The following BEND5 variants were observed in gnomAD, a reference collection of about 807,000 sequenced individuals.
The protein encoded by BEND5 is BEN domain-containing protein 5.
A neutral mutation model predicts 43.9 loss-of-function variants in BEND5; 22 were observed. The observed-to-expected ratio is 0.50, with a 90% CI of 0.36 to 0.72. The LOEUF (loss-of-function observed/expected upper bound fraction) is 0.72. Among genes scored for constraint, BEND5 ranks in the 30% least tolerant of loss-of-function variants. The pLI, the probability that BEND5 is intolerant of heterozygous loss-of-function variation, is 0.00. For missense variants in BEND5, 428 were observed against 550.6 expected (o/e 0.78, Z 2.23); for synonymous variants, 228 against 225.9 (o/e 1.01, Z -0.08).
At chr1:48,756,241 T>G (rs561730975) in intron 3 of BEND5, among the ~76,000 whole-genome samples, 2 of 152,228 alleles carry the variant, frequency 1.3e-5, no homozygotes, top group African/African-American at 4.8e-5. Flanking sequence ...CAAAAATTCA[T>G]CATTCAGGCT....
intron 3 of BEND5, among the ~76,000 whole-genome samples, chr1:48,746,315 G>C (rs1333686658): frequency 6.6e-6 from 1 of 152,124 alleles, no homozygotes; most frequent in African/African-American, 2.4e-5. Context: ...CTCTACTAAA[G>C]CATAGGTTCT....
intron 1 of BEND5, among the ~76,000 whole-genome samples, chr1:48,774,155 A>T (rs1436912028): frequency 1.3e-5 from 2 of 152,248 alleles, no homozygotes; most frequent in Admixed American, 1.3e-4. Flanking sequence ...AGAGAGATTA[A>T]TTAATCAATT....
Position 48,750,910 on chromosome 1 carries a change from G to T in BEND5, c.745+7990C>A, listed in dbSNP as rs549973684. 2.0e-5 allele frequency among the ~76,000 whole-genome samples: 3 copies of T among 152,276 alleles called. No homozygotes were observed. In the East Asian group the frequency reaches 5.8e-4, roughly 29 times the overall value. On this transcript the variant is annotated intron_variant, in intron 3 of 5. Coordinates refer to ENST00000371833, the MANE Select transcript of BEND5 (RefSeq NM_024603.4). ...CTCTAAGAATTACCCCCCACACTCA[G>T]AGTACCCCCTGGAGCAGCAAGGGAG...
chr1:48,733,417 G>T (rs890211213), intron 5 of BEND5, among the ~76,000 whole-genome samples: 7 of 152,158 alleles, frequency 4.6e-5, no homozygotes, highest in African/African-American at 1.4e-4. Flanking sequence ...CCTCAAAACT[G>T]TGGAAATTCC....
At chr1:48,739,376 C>T (rs891102796) in intron 4 of BEND5, among the ~76,000 whole-genome samples, 4 of 152,230 alleles carry the variant, frequency 2.6e-5, no homozygotes, top group Non-Finnish European at 5.9e-5. Context: ...TTTTCTATCA[C>T]ATTTAATCCA....
Position 48,776,661 on chromosome 1 carries a change from G to T in BEND5, c.171C>A (p.Ala57=), listed in dbSNP as rs1407091473. The change falls in exon 1 of 6, where the codon GCC becomes GCA. Residue 57 remains alanine (A), a synonymous_variant. Coordinates refer to ENST00000371833, the MANE Select transcript of BEND5 (RefSeq NM_024603.4). The stretch of plus-strand genomic sequence containing the variant: ...GCAACAGCGCGCCCCAGTCGCGGGG[G>T]GCGCGCGGGGGGCTCTCGGGCCCGG... ...LGAGPESPPR[A]PRDWGALLLH... 7.4e-6 allele frequency: 11 copies of T among 1,494,034 alleles called. No individual in the cohort carries two copies. Among genetic ancestry groups the T allele is most frequent in the Middle Eastern group, 2.1e-4 (1 of 4,726 alleles). The allele number at this position is 1,494,034 out of a possible 1,614,324, so 92.5% of individuals were successfully genotyped here.
intron 1 of BEND5, among the ~76,000 whole-genome samples, chr1:48,773,294 G>A (rs183321179): frequency 5.3e-5 from 8 of 152,234 alleles, no homozygotes. Flanking sequence ...GTAGCAGGCT[G>A]GATTGCAGTT....
At chr1:48,759,494 G>C (rs539051610) in intron 2 of BEND5, 3 of 999,770 alleles carry the variant, frequency 3.0e-6, no homozygotes, top group East Asian at 5.7e-5. Context: ...AGTGGGGAAG[G>C]GGCTTGCCCA....
intron 3 of BEND5, among the ~76,000 whole-genome samples, chr1:48,746,523 C>G (rs1488615469): frequency 1.3e-5 from 2 of 152,242 alleles, no homozygotes; most frequent in African/African-American, 4.8e-5. Flanking sequence ...TCTTGGCTCT[C>G]AAGAAAAACT....
rs773286114 is a variant in BEND5 at position 48,759,299 on chromosome 1, G to A, written c.361-15C>T. ...CCCTCAGGTCTCTGTGTAGGACAACGAGAATCAGTTCAGGCAAGGGCAGCT... is the reference window on the plus strand; with the variant it reads ...CCCTCAGGTCTCTGTGTAGGACAACAAGAATCAGTTCAGGCAAGGGCAGCT... On this transcript the variant is annotated splice_polypyrimidine_tract_variant and intron_variant, in intron 2 of 5. Coordinates refer to ENST00000371833, the MANE Select transcript of BEND5 (RefSeq NM_024603.4). The A allele has an allele frequency of 3.9e-6, 6 of 1,550,266 alleles. No individual in the cohort carries two copies. Among genetic ancestry groups the A allele is most frequent in the East Asian group, 2.4e-5 (1 of 40,930 alleles).
intron 5 of BEND5, among the ~76,000 whole-genome samples, chr1:48,735,279 T>C (rs1648838477): frequency 1.3e-5 from 2 of 152,204 alleles, no homozygotes; most frequent in Non-Finnish European, 2.9e-5. Flanking sequence ...TGTTTTTGTG[T>C]TTATCTTCCC....
Position 48,766,409 on chromosome 1 carries a change from G to A in BEND5, c.227-4939C>T, listed in dbSNP as rs531084825. Among the ~76,000 whole-genome samples, 5 of 152,274 alleles carry A rather than the reference G, an allele frequency of 3.3e-5. No individual in the cohort carries two copies. The East Asian group carries it at 7.7e-4, about 24-fold the overall frequency. On this transcript the variant is annotated intron_variant, in intron 1 of 5. Transcript: ENST00000371833. ...GAATGAGTGAATGACAGCTACAGTT[G>A]AGGACATCTAAATTCCCCAGCCTAA...
intron 4 of BEND5, among the ~76,000 whole-genome samples, chr1:48,740,633 T>C (rs6588054): frequency 0.3 from 46,088 of 152,134 alleles, 7,819 homozygotes; most frequent in East Asian, 0.71. Context: ...AGGATGGAAC[T>C]TGATCAAAAT....
intron 1 of BEND5, among the ~76,000 whole-genome samples, chr1:48,766,920 T>C (rs1449529246): frequency 6.6e-6 from 1 of 152,218 alleles, no homozygotes; most frequent in Non-Finnish European, 1.5e-5. Flanking sequence ...TACAACCCAG[T>C]ATATGATAAG....
rs750936942 is a variant in BEND5, at chr1:48,759,040, T to C, written c.605A>G (p.Gln202Arg). 1 of 1,613,916 alleles carries C rather than the reference T, an allele frequency of 6.2e-7. No homozygotes were observed. Residue 202 changes from glutamine (Q) to arginine (R), a missense_variant, in exon 3 of 6, where the codon CAG (glutamine) becomes CGG (arginine). Gln to Arg is a conservative substitution (Grantham distance 43, BLOSUM62 1). Around this residue, in one of 4 missense-constraint regions of BEND5, gnomAD observed 243 missense variants for 286.4 expected, o/e 0.85. Coordinates refer to ENST00000371833, the MANE Select transcript of BEND5 (RefSeq NM_024603.4). ...CTGCCTCCGAGTCCGCTCCAGCTCC[T>C]GCTGGAGGTGGCGCATCTCTTCCTG... The part of the protein sequence containing the change: ...QQQEEMRHLQ[Q>R]ELERTRRQLV...
rs1649004808 is a variant in BEND5 at position 48,736,125 on chromosome 1, G to T, written c.1108+114C>A. On this transcript the variant is annotated intron_variant, in intron 5 of 5. Transcript: ENST00000371833. The surrounding 1 kb of genome is among the most constrained non-coding windows in gnomAD (Gnocchi z 4.0). ...GCTTGGTGTCCCCGGGCTCAGCCCA[G>T]GGTCTGGCATGCAGAAGCTTCATAA... 2.4e-6 allele frequency: 3 copies of T among 1,238,598 alleles called. No individual in the cohort carries two copies. Among genetic ancestry groups the T allele is most frequent in the Admixed American group, 3.7e-5 (2 of 54,350 alleles). The allele number at this position is 1,238,598 out of a possible 1,614,324, so 76.7% of individuals were successfully genotyped here.
chr1:48,741,452 G>C (rs946622578), intron 4 of BEND5, among the ~76,000 whole-genome samples: 3 of 152,228 alleles, frequency 2.0e-5, no homozygotes, highest in Non-Finnish European at 4.4e-5. Context: ...CTGCAAAGCT[G>C]ACGTTTCAAG....
At chr1:48,747,885 C>T (rs1028105008) in intron 3 of BEND5, among the ~76,000 whole-genome samples, 2 of 152,102 alleles carry the variant, frequency 1.3e-5, no homozygotes, top group African/African-American at 2.4e-5. Flanking sequence ...CTGATTTCAG[C>T]TGAAATGGAA....
intron 1 of BEND5, among the ~76,000 whole-genome samples, chr1:48,766,212 C>A (rs1557967940): frequency 6.6e-6 from 1 of 152,116 alleles, no homozygotes; most frequent in Non-Finnish European, 1.5e-5. Flanking sequence ...TTATAAGCCA[C>A]ATTTTTTTTT....
Sources: allele counts gnomAD v4.1 joint callset (sites outside exome capture counted in the v4.1 genomes callset), GRCh38; gene constraint gnomAD v4.1.1; regional missense constraint gnomAD v4.1.1; non-coding constraint Gnocchi (gnomAD v3.1); transcripts MANE v1.5; gene names NCBI Gene and HGNC (gene_info 2026-07-23, HGNC 2026-07-21).